ZDHHC14: variants seen among roughly 807,000 people sequenced by gnomAD.
The protein encoded by ZDHHC14 is palmitoyltransferase ZDHHC14.
In ZDHHC14, 16 loss-of-function variants were observed where a neutral mutation model predicts 47.7. The ratio of observed to expected loss-of-function variants is 0.34; its 90% CI spans 0.23 to 0.51. The LOEUF (loss-of-function observed/expected upper bound fraction) is 0.51, where lower values mean the gene tolerates loss of function less well. Among genes scored for constraint, ZDHHC14 ranks in the 20% least tolerant of loss-of-function variants. The pLI is 0.97. For missense variants in ZDHHC14, 515 were observed against 662.5 expected (o/e 0.78, Z 2.44); for synonymous variants, 293 against 278.9 (o/e 1.05, Z -0.50).
intron 1 of ZDHHC14, among the ~76,000 whole-genome samples, chr6:157,395,846 A>G (rs1777511352): frequency 6.6e-6 from 1 of 152,080 alleles, no homozygotes; most frequent in Non-Finnish European, 1.5e-5. Context: ...TGTTACATAT[A>G]GTGATAGACT....
intron 1 of ZDHHC14, among the ~76,000 whole-genome samples, chr6:157,482,528 A>G (rs144849252): frequency 0.011 from 1,742 of 152,062 alleles, 37 homozygotes; most frequent in African/African-American, 0.041. Flanking sequence ...TGCTGGGATT[A>G]CAGGCATGAG....
At chr6:157,511,782 A>C (rs894055020) in intron 1 of ZDHHC14, among the ~76,000 whole-genome samples, 8 of 152,116 alleles carry the variant, frequency 5.3e-5, no homozygotes, top group Non-Finnish European at 2.9e-5. Flanking sequence ...CATGTGCTCT[A>C]TCTCTGGATT....
chr6:157,401,295 A>C (rs1006178741), intron 1 of ZDHHC14, among the ~76,000 whole-genome samples: 2 of 152,244 alleles, frequency 1.3e-5, no homozygotes, highest in Non-Finnish European at 2.9e-5. Flanking sequence ...TTTCAAAATA[A>C]TACTTTTTTC....
rs1043228228 is a variant in ZDHHC14, at chr6:157,499,479, G to GCCCCCCC, written c.246-43100_246-43099insCCCCCCC. ...CATTTAACTTGTGTCACCTCTCAAA[G>GCCCCCCC]CCCCCCACCCCGATATCATCCCATT... On this transcript the variant is annotated intron_variant, in intron 1 of 8. Coordinates refer to ENST00000359775, the MANE Select transcript of ZDHHC14 (RefSeq NM_024630.3). 8.2e-5 allele frequency among the ~76,000 whole-genome samples: 12 copies of GCCCCCCC among 147,154 alleles called. 1 individual carries two copies. The highest frequency in any genetic ancestry group is 1.7e-4 in the Non-Finnish European group (11 of 66,280).
chr6:157,656,344 C>CTTTTTTTTTTTTTTTT (rs139902125), intron 8 of ZDHHC14, among the ~76,000 whole-genome samples: 1 of 150,056 alleles, frequency 6.7e-6, no homozygotes, highest in Non-Finnish European at 1.5e-5. Context: ...CTTTTCTTTT[C>CTTTTTTTTTTTTTTTT]TTTTTTTTGA....
intron 3 of ZDHHC14, among the ~76,000 whole-genome samples, chr6:157,612,086 G>T (rs1233755082): frequency 6.6e-6 from 1 of 152,154 alleles, no homozygotes; most frequent in African/African-American, 2.4e-5. Context: ...CTACACAGAC[G>T]TGAGGGTCCT....
At chr6:157,604,960 T>G (rs1302721619) in intron 3 of ZDHHC14, among the ~76,000 whole-genome samples, 1 of 152,218 alleles carries the variant, frequency 6.6e-6, no homozygotes, top group African/African-American at 2.4e-5. Flanking sequence ...GAAACATACC[T>G]TACCAGCCCT....
chr6:157,402,056 CA>C lies in ZDHHC14; in HGVS notation c.245+19792del, dbSNP rs1583614514. On this transcript the variant is annotated intron_variant, in intron 1 of 8. Transcript: ENST00000359775. ...AGATGTGCACCTGCTGAAGTCACAG[CA>C]AGTGAGATGCGCACCTGCTGAGGTC... 3.0e-5 allele frequency among the ~76,000 whole-genome samples: 4 copies of C among 132,166 alleles called. No individual in the cohort carries two copies. In the East Asian group the frequency reaches 9.7e-4, roughly 32 times the overall value. 86.7% of individuals were successfully genotyped at this position (132,166 alleles called of 152,430 possible). A position where few individuals can be genotyped will look rare whatever the true frequency, so the allele number is the denominator to read the frequency against.
intron 1 of ZDHHC14, among the ~76,000 whole-genome samples, chr6:157,470,590 A>G (rs1270072228): frequency 6.6e-6 from 1 of 152,244 alleles, no homozygotes; most frequent in Non-Finnish European, 1.5e-5. Flanking sequence ...GAAAAATGGC[A>G]GTTGTATCAG....
chr6:157,407,862 C>T (rs1777797570), intron 1 of ZDHHC14, among the ~76,000 whole-genome samples: 1 of 152,188 alleles, frequency 6.6e-6, no homozygotes, highest in Non-Finnish European at 1.5e-5. Context: ...GGATGGGTCA[C>T]CTGGCTAAGT....
At chr6:157,644,388 T>C (rs1376246494) in intron 5 of ZDHHC14, among the ~76,000 whole-genome samples, 1 of 152,184 alleles carries the variant, frequency 6.6e-6, no homozygotes, top group Non-Finnish European at 1.5e-5. Flanking sequence ...CCAGCAGGGG[T>C]TGCCTAGGCT....
chr6:157,550,609 A>G (rs1167106920), intron 2 of ZDHHC14, among the ~76,000 whole-genome samples: 1 of 152,252 alleles, frequency 6.6e-6, no homozygotes, highest in African/African-American at 2.4e-5. Context: ...ACATGGTGTC[A>G]CACAGACACT....
chr6:157,495,561 T>C (rs1233346043), intron 1 of ZDHHC14, among the ~76,000 whole-genome samples: 1 of 151,616 alleles, frequency 6.6e-6, no homozygotes, highest in African/African-American at 2.4e-5. Context: ...GGGAAGGAGG[T>C]TGTTGGATGG....
At chr6:157,439,979 G>T (rs575317125) in intron 1 of ZDHHC14, among the ~76,000 whole-genome samples, 1 of 152,154 alleles carries the variant, frequency 6.6e-6, no homozygotes, top group East Asian at 1.9e-4. Context: ...TAGATACAGG[G>T]AGGGGAACAA....
chr6:157,452,690 ATTTTTTTTTTTT>A (rs747862336), intron 1 of ZDHHC14, among the ~76,000 whole-genome samples: 1 of 72,960 alleles, frequency 1.4e-5, no homozygotes, highest in African/African-American at 5.7e-5. Context: ...ATACATGGGG[ATTTTTTTTTTTT>A]TTTTTTTTTT....
intron 2 of ZDHHC14, among the ~76,000 whole-genome samples, chr6:157,548,761 A>G (rs979229301): frequency 6.6e-6 from 1 of 152,130 alleles, no homozygotes; most frequent in African/African-American, 2.4e-5. Context: ...CCTGTTCTTG[A>G]CCGTCACTGT....
chr6:157,529,337 T>A (rs1781284014), intron 1 of ZDHHC14: 1 of 153,072 alleles, frequency 6.5e-6, no homozygotes, highest in African/African-American at 2.4e-5. Flanking sequence ...CTGGTCAGAA[T>A]CCTCCAGTAT....
intron 1 of ZDHHC14, among the ~76,000 whole-genome samples, chr6:157,492,126 C>G (rs1395721715): frequency 6.6e-6 from 1 of 151,906 alleles, no homozygotes; most frequent in African/African-American, 2.4e-5. Flanking sequence ...TGTCCCCTCT[C>G]ACCGGGGAGG....
chr6:157,553,457 C>G (rs1352563933), intron 2 of ZDHHC14, among the ~76,000 whole-genome samples: 1 of 152,128 alleles, frequency 6.6e-6, no homozygotes, highest in Non-Finnish European at 1.5e-5. Flanking sequence ...TTCACACACT[C>G]TGTGAAAATA....
Sources: gnomAD v4.1 joint callset for allele counts (sites outside exome capture counted in the v4.1 genomes callset) on GRCh38, gnomAD v4.1.1 for gene constraint, MANE v1.5 for transcripts, NCBI Gene and HGNC (gene_info 2026-07-23, HGNC 2026-07-21) for gene names.